SYNDIG1: variants seen among roughly 807,000 people sequenced by gnomAD.
The protein encoded by SYNDIG1 is synapse differentiation inducing 1.
Under a neutral mutation model 19.4 loss-of-function variants are expected in SYNDIG1, and 9 were observed. The ratio of observed to expected loss-of-function variants is 0.46; its 90% CI spans 0.28 to 0.81. The LOEUF (loss-of-function observed/expected upper bound fraction) is 0.81. SYNDIG1 is among the 30% of genes least tolerant of loss of function. The pLI is 0.12. For synonymous variants in SYNDIG1, 141 were observed against 145.9 expected (o/e 0.97, Z 0.24); for missense variants, 311 against 343.3 (o/e 0.91, Z 0.74).
At chr20:24,501,408 G>A (rs907190729) in intron 1 of SYNDIG1, among the ~76,000 whole-genome samples, 3 of 152,172 alleles carry the variant, frequency 2.0e-5, no homozygotes, top group East Asian at 1.9e-4. Flanking sequence ...TCCATGGATC[G>A]AATCTGTGAA....
chr20:24,481,874 T>C (rs1256251298), intron 1 of SYNDIG1, among the ~76,000 whole-genome samples: 1 of 152,110 alleles, frequency 6.6e-6, no homozygotes. Flanking sequence ...AAATAAATAT[T>C]CTAGAAGCAT....
chr20:24,546,096 T>A (rs1457477545), intron 2 of SYNDIG1, among the ~76,000 whole-genome samples: 1 of 152,140 alleles, frequency 6.6e-6, no homozygotes, highest in Non-Finnish European at 1.5e-5. Context: ...CCAAGGAGGA[T>A]TTCAGAGCCT....
chr20:24,608,836 C>T (rs909796812), intron 3 of SYNDIG1, among the ~76,000 whole-genome samples: 3 of 152,078 alleles, frequency 2.0e-5, no homozygotes, highest in African/African-American at 4.8e-5. Context: ...TTCTCTTGAC[C>T]AACCCTTGCA....
At chr20:24,574,787 G>C (rs1310671199) in intron 2 of SYNDIG1, among the ~76,000 whole-genome samples, 6 of 152,126 alleles carry the variant, frequency 3.9e-5, no homozygotes. Flanking sequence ...CCTTCACAAA[G>C]ACAAACCAGG....
At chr20:24,529,965 A>G (rs1568614648) in intron 1 of SYNDIG1, among the ~76,000 whole-genome samples, 18 of 1,252 alleles carry the variant, frequency 0.014, no homozygotes, top group South Asian at 0.043. Flanking sequence ...AGTGTTGGGA[A>G]TAATGATGGT....
chr20:24,599,148 T>G (rs568020554), intron 3 of SYNDIG1, among the ~76,000 whole-genome samples: 1 of 152,244 alleles, frequency 6.6e-6, no homozygotes, highest in South Asian at 2.1e-4. Context: ...GAAAAAAACC[T>G]ACACATAATC....
At chr20:24,501,729 C>T (rs1401238523) in intron 1 of SYNDIG1, among the ~76,000 whole-genome samples, 3 of 152,170 alleles carry the variant, frequency 2.0e-5, no homozygotes, top group East Asian at 1.9e-4. Context: ...CCTGTGCTTC[C>T]GATATTATTC....
In SYNDIG1 at chr20:24,527,652, G is replaced by A. The variant is rs542823063; in HGVS notation, c.-78-15368G>A. 9.2e-5 allele frequency among the ~76,000 whole-genome samples: 14 copies of A among 152,084 alleles called. No individual in the cohort carries two copies. In the East Asian group the frequency reaches 2.3e-3, roughly 25 times the overall value. On this transcript the variant is annotated intron_variant, in intron 1 of 3. Transcript: ENST00000376862. Reference sequence around the variant, plus strand: ...TTACTCTGTGGCTAAATTGGGGAGGGGGTCTTTCTCTTAGAGATGTTTGTT... The same window carrying A: ...TTACTCTGTGGCTAAATTGGGGAGGAGGTCTTTCTCTTAGAGATGTTTGTT...
chr20:24,627,634 C>T (rs2059171035), intron 3 of SYNDIG1, among the ~76,000 whole-genome samples: 1 of 152,262 alleles, frequency 6.6e-6, no homozygotes, highest in African/African-American at 2.4e-5. Context: ...TCCCCGGTTC[C>T]CGGGACTGGA....
intron 1 of SYNDIG1, among the ~76,000 whole-genome samples, chr20:24,534,348 G>A (rs1408141147): frequency 6.6e-6 from 1 of 152,186 alleles, no homozygotes; most frequent in Non-Finnish European, 1.5e-5. Flanking sequence ...AGCCCCAGGA[G>A]CCTGTAGATC....
intron 3 of SYNDIG1, among the ~76,000 whole-genome samples, chr20:24,611,913 G>A (rs373378013): frequency 6.6e-6 from 1 of 152,208 alleles, no homozygotes; most frequent in South Asian, 2.1e-4. Context: ...ATAAAATACA[G>A]GGAACACCAA....
At chr20:24,527,230 G>T (rs1250047969) in intron 1 of SYNDIG1, among the ~76,000 whole-genome samples, 1 of 152,024 alleles carries the variant, frequency 6.6e-6, no homozygotes, top group Non-Finnish European at 1.5e-5. Context: ...ATTTTTCTCA[G>T]ATCTGTCTTC....
chr20:24,562,056 A>G (rs984397285), intron 2 of SYNDIG1, among the ~76,000 whole-genome samples: 14 of 152,156 alleles, frequency 9.2e-5, no homozygotes, highest in Non-Finnish European at 2.1e-4. Context: ...CATTTATTCC[A>G]GATTCTTCCA....
intron 3 of SYNDIG1, among the ~76,000 whole-genome samples, chr20:24,653,613 CT>C (rs1023612035): frequency 1.3e-5 from 2 of 152,222 alleles, no homozygotes; most frequent in African/African-American, 4.8e-5. Flanking sequence ...CTTAGCCCCC[CT>C]GGCTCTTACC....
At chr20:24,483,885 C>A (rs1326932626) in intron 1 of SYNDIG1, among the ~76,000 whole-genome samples, 1 of 152,094 alleles carries the variant, frequency 6.6e-6, no homozygotes, top group Non-Finnish European at 1.5e-5. Context: ...GGCAGGCCAG[C>A]GGGGATGCTG....
chr20:24,563,410 C>T (rs1468479948), intron 2 of SYNDIG1, among the ~76,000 whole-genome samples: 1 of 152,070 alleles, frequency 6.6e-6, no homozygotes, highest in Admixed American at 6.5e-5. Flanking sequence ...AACCATCAGC[C>T]CTCCCAGAGA....
chr20:24,604,151 C>T (rs2058719724), intron 3 of SYNDIG1, among the ~76,000 whole-genome samples: 1 of 151,852 alleles, frequency 6.6e-6, no homozygotes, highest in South Asian at 2.1e-4. Context: ...GTGCTTAGAA[C>T]ATGTACATTG....
At chr20:24,475,690 G>A (rs2055599672) in intron 1 of SYNDIG1, among the ~76,000 whole-genome samples, 1 of 152,182 alleles carries the variant, frequency 6.6e-6, no homozygotes, top group Non-Finnish European at 1.5e-5. Context: ...AGAGGACCCT[G>A]CACAGGGCAG....
At chr20:24,664,694 GATTTTATTGATGGATGA>G (rs1419165370) in intron 3 of SYNDIG1, among the ~76,000 whole-genome samples, 1 of 152,186 alleles carries the variant, frequency 6.6e-6, no homozygotes, top group Non-Finnish European at 1.5e-5. Context: ...TGTATCAAAT[GATTTTATTGATGGATGA>G]ATTTTACTAA....
Sources: gnomAD v4.1 joint callset for allele counts (sites outside exome capture counted in the v4.1 genomes callset) on GRCh38, gnomAD v4.1.1 for gene constraint, MANE v1.5 for transcripts, NCBI Gene and HGNC (gene_info 2026-07-23, HGNC 2026-07-21) for gene names.